Variants in EDAR observed in about 807,000 individuals in gnomAD.
EDAR encodes ectodysplasin A receptor, also known as tumor necrosis factor receptor superfamily member EDAR.
In EDAR, 38 loss-of-function variants were observed where a neutral mutation model predicts 51.3. The ratio of observed to expected loss-of-function variants is 0.74; its 90% CI spans 0.57 to 0.97. The LOEUF (loss-of-function observed/expected upper bound fraction) is 0.97. Among genes scored for constraint, EDAR ranks in the 50% least tolerant of loss-of-function variants. The pLI is 0.00. For missense variants in EDAR, 528 were observed against 595.0 expected (o/e 0.89, Z 1.17); for synonymous variants, 227 against 242.1 (o/e 0.94, Z 0.58).
chr2:108,917,916 C>T (rs1420692605), intron 5 of EDAR, among the ~76,000 whole-genome samples: 1 of 151,976 alleles, frequency 6.6e-6, no homozygotes, highest in Non-Finnish European at 1.5e-5. Flanking sequence ...TGCTGTTTTC[C>T]AGGCGAGTCA....
chr2:108,927,204 T>C (rs1697273491), intron 4 of EDAR, among the ~76,000 whole-genome samples: 2 of 152,106 alleles, frequency 1.3e-5, no homozygotes, highest in African/African-American at 4.8e-5. Context: ...CTGCACAGGG[T>C]CCCTTGCCTG....
chr2:108,972,312 C>G (rs1246993305), intron 1 of EDAR, among the ~76,000 whole-genome samples: 2 of 152,248 alleles, frequency 1.3e-5, no homozygotes, highest in Admixed American at 1.3e-4. Context: ...GCCCAGTTCT[C>G]GACAAGCTTA....
chr2:108,901,645 CAGAT>C (rs1277852043), intron 11 of EDAR, among the ~76,000 whole-genome samples: 1 of 152,070 alleles, frequency 6.6e-6, no homozygotes, highest in Admixed American at 6.6e-5. Context: ...AGATATCAAA[CAGAT>C]AATAAGATAA....
chr2:108,905,354 G>T (rs1696781006), intron 11 of EDAR, among the ~76,000 whole-genome samples: 1 of 152,238 alleles, frequency 6.6e-6, no homozygotes, highest in Non-Finnish European at 1.5e-5. Flanking sequence ...GCCATGCCAG[G>T]TGAGATCAGG....
chr2:108,974,687 G>A (rs754404341), intron 1 of EDAR, among the ~76,000 whole-genome samples: 63 of 151,552 alleles, frequency 4.2e-4, no homozygotes, highest in Non-Finnish European at 7.1e-4. Flanking sequence ...CCGAGATAGC[G>A]CCACTGCACT....
chr2:108,913,229 A>T (rs260626), intron 5 of EDAR, among the ~76,000 whole-genome samples: 10 of 152,048 alleles, frequency 6.6e-5, no homozygotes, highest in East Asian at 1.9e-4. Context: ...GATTACAGGC[A>T]TGAGCCACCG....
intron 5 of EDAR, among the ~76,000 whole-genome samples, chr2:108,918,372 G>A (rs1441938591): frequency 1.3e-5 from 2 of 152,182 alleles, no homozygotes; most frequent in African/African-American, 2.4e-5. Flanking sequence ...TGTGTGTTTC[G>A]GTTCATCTGC....
At chr2:108,923,338 C>T in intron 5 of EDAR, 30 bp downstream of exon 5, 1 of 1,605,206 alleles carries the variant, frequency 6.2e-7, no homozygotes, top group South Asian at 1.1e-5. Flanking sequence ...TGAACAAATA[C>T]CGTGCTGGTG....
At position 108,896,893 on chromosome 2, in the gene EDAR, C is replaced by T; in HGVS notation, c.*14G>A. ...CTTGGCTTGTCCTGGGAGGACAGCC[C>T]ACAGGCATGCTTTTCAGGATGCAGC... On this transcript the variant is annotated 3_prime_UTR_variant, in exon 12 of 12. Coordinates refer to ENST00000258443, the MANE Select transcript of EDAR (RefSeq NM_022336.4). 6.2e-7 allele frequency: 1 copy of T among 1,607,092 alleles called. No homozygotes were observed. The highest frequency in any genetic ancestry group is 8.5e-7 in the Non-Finnish European group (1 of 1,176,928).
chr2:108,896,799 A>G lies in EDAR; in HGVS notation c.*108T>C. On this transcript the variant is annotated 3_prime_UTR_variant, in exon 12 of 12. Coordinates refer to ENST00000258443, the MANE Select transcript of EDAR (RefSeq NM_022336.4). Reference sequence around the variant, plus strand: ...TGAACATCCTAAGGCATACGGTGACATATCACAAAAGCCTTGATTCTTGGC... The same window carrying G: ...TGAACATCCTAAGGCATACGGTGACGTATCACAAAAGCCTTGATTCTTGGC... 2 of 1,106,216 alleles carry G rather than the reference A, an allele frequency of 1.8e-6. No individual in the cohort carries two copies. The highest frequency in any genetic ancestry group is 1.3e-6 in the Non-Finnish European group (1 of 765,604). The allele number at this position is 1,106,216 out of a possible 1,614,324, so 68.5% of individuals were successfully genotyped here. A position where few individuals can be genotyped will look rare whatever the true frequency, so the allele number is the denominator to read the frequency against.
intron 1 of EDAR, among the ~76,000 whole-genome samples, chr2:108,951,710 A>G (rs1331353231): frequency 6.6e-6 from 1 of 152,138 alleles, no homozygotes; most frequent in African/African-American, 2.4e-5. Context: ...ATACTAGATC[A>G]TTCTAAAGGT....
intron 4 of EDAR, among the ~76,000 whole-genome samples, chr2:108,924,158 T>C (rs893309693): frequency 6.6e-6 from 1 of 152,254 alleles, no homozygotes; most frequent in East Asian, 1.9e-4. Flanking sequence ...GTAGCTCTGT[T>C]TGAAGTCCTT....
chr2:108,909,899 A>G (rs1696884772), intron 9 of EDAR, among the ~76,000 whole-genome samples: 1 of 152,132 alleles, frequency 6.6e-6, no homozygotes. Flanking sequence ...CTAGTGTGTG[A>G]CCTTGGGCGA....
chr2:108,965,849 T>C (rs1450388179), intron 1 of EDAR, among the ~76,000 whole-genome samples: 1 of 152,128 alleles, frequency 6.6e-6, no homozygotes, highest in Non-Finnish European at 1.5e-5. Context: ...CATCATGTAC[T>C]CTCCCTCCAC....
chr2:108,916,685 C>T (rs1331250713), intron 5 of EDAR, among the ~76,000 whole-genome samples: 1 of 152,174 alleles, frequency 6.6e-6, no homozygotes, highest in East Asian at 1.9e-4. Context: ...AATGCTTGCT[C>T]TGAGCACGTG....
At chr2:108,975,524 G>A (rs1475226223) in intron 1 of EDAR, among the ~76,000 whole-genome samples, 1 of 152,230 alleles carries the variant, frequency 6.6e-6, no homozygotes, top group Admixed American at 6.5e-5. Context: ...CCAGATGGAT[G>A]CCGGAGTGAG....
intron 1 of EDAR, among the ~76,000 whole-genome samples, chr2:108,932,526 C>T (rs1558816550): frequency 1.2e-5 from 1 of 86,876 alleles, no homozygotes; most frequent in Non-Finnish European, 2.0e-5. Context: ...GAGACTCTGT[C>T]TCAAAAAAAA....
At chr2:108,904,913 T>C (rs1279628711) in intron 11 of EDAR, among the ~76,000 whole-genome samples, 3 of 152,172 alleles carry the variant, frequency 2.0e-5, no homozygotes, top group Non-Finnish European at 2.9e-5. Flanking sequence ...AGTGTCCTGG[T>C]TGTGACTTCT....
At chr2:108,981,221 G>A (rs1698414828) in intron 1 of EDAR, among the ~76,000 whole-genome samples, 1 of 152,146 alleles carries the variant, frequency 6.6e-6, no homozygotes, top group South Asian at 2.1e-4. Flanking sequence ...GCACGGGAAG[G>A]GGCTGGCTCT....
Sources: gnomAD v4.1 joint callset for allele counts (sites outside exome capture counted in the v4.1 genomes callset) on GRCh38, gnomAD v4.1.1 for gene constraint, MANE v1.5 for transcripts, NCBI Gene and HGNC (gene_info 2026-07-23, HGNC 2026-07-21) for gene names.